Variants in NDRG3 observed in about 807,000 individuals in gnomAD.
The protein encoded by NDRG3 is NDRG family member 3.
Under a neutral mutation model 57.2 loss-of-function variants are expected in NDRG3, and 23 were observed. The observed-to-expected ratio is 0.40, with a 90% confidence interval of 0.29 to 0.57. The LOEUF is 0.57. Among genes scored for constraint, NDRG3 ranks in the 20% least tolerant of loss-of-function variants. The probability of loss-of-function intolerance (pLI) is 0.42; values close to 1 mark genes in which losing one functional copy is unlikely to be tolerated. For missense variants in NDRG3, 384 were observed against 457.3 expected, an observed-to-expected ratio of 0.84 and a Z score of 1.46; for synonymous variants, 132 against 162.6, an observed-to-expected ratio of 0.81 and a Z score of 1.43.
At chr20:36,656,281 G>T in intron 15 of NDRG3, 79 bp downstream of exon 15, 2 of 1,415,766 alleles carry the variant, frequency 1.4e-6, no homozygotes, top group Non-Finnish European at 2.0e-6. Context: ...TATATCTCAA[G>T]AATTGTGGGC....
At chr20:36,729,684 C>T (rs531133643) in intron 1 of NDRG3, among the ~76,000 whole-genome samples, 3 of 152,066 alleles carry the variant, frequency 2.0e-5, no homozygotes, top group South Asian at 4.1e-4. Context: ...CACGCAACCA[C>T]GCCTGGCTAA....
intron 8 of NDRG3, among the ~76,000 whole-genome samples, chr20:36,674,478 C>T (rs1600874079): frequency 1.3e-5 from 2 of 152,096 alleles, no homozygotes; most frequent in Admixed American, 1.3e-4. Context: ...GCTAGGATTA[C>T]AGGTGTGAGC....
At chr20:36,675,165 T>G (rs1980563061) in intron 8 of NDRG3, among the ~76,000 whole-genome samples, 1 of 150,264 alleles carries the variant, frequency 6.7e-6, no homozygotes, top group Non-Finnish European at 1.5e-5. Flanking sequence ...GTTCAAGCGA[T>G]TCTCTTGCCT....
At chr20:36,677,607 ACT>A (rs1980871904) in intron 8 of NDRG3, among the ~76,000 whole-genome samples, 1 of 152,090 alleles carries the variant, frequency 6.6e-6, no homozygotes, top group Admixed American at 6.6e-5. Flanking sequence ...GAGAAGGGCT[ACT>A]CTCTCTGCTG....
At chr20:36,711,052 G>A (rs576982481) in intron 2 of NDRG3, among the ~76,000 whole-genome samples, 9 of 151,312 alleles carry the variant, frequency 5.9e-5, no homozygotes, top group African/African-American at 1.2e-4. Flanking sequence ...AGTCCGGGGC[G>A]GGTGGATCAC....
chr20:36,660,883 A>T (rs2148030508), intron 12 of NDRG3, among the ~76,000 whole-genome samples: 1 of 152,268 alleles, frequency 6.6e-6, no homozygotes, highest in Non-Finnish European at 1.5e-5. Context: ...TATATGATAT[A>T]CTTTGATATT....
At chr20:36,675,157 T>A (rs902186929) in intron 8 of NDRG3, among the ~76,000 whole-genome samples, 5 of 150,638 alleles carry the variant, frequency 3.3e-5, no homozygotes, top group African/African-American at 1.2e-4. Context: ...CCTCCCAGGT[T>A]CAAGCGATTC....
chr20:36,725,600 TAAA>T (rs548128722), intron 1 of NDRG3, among the ~76,000 whole-genome samples: 4 of 82,412 alleles, frequency 4.9e-5, no homozygotes, highest in African/African-American at 4.7e-5. Context: ...AGACTCCGTC[TAAA>T]AAAAAAAAAA....
chr20:36,731,113 TCAGGAATC>T (rs1985260774), intron 1 of NDRG3, among the ~76,000 whole-genome samples: 1 of 152,000 alleles, frequency 6.6e-6, no homozygotes, highest in South Asian at 2.1e-4. Context: ...TCAATTTCAG[TCAGGAATC>T]CAAGAGAGAC....
chr20:36,677,656 C>G (rs916869817), intron 8 of NDRG3, among the ~76,000 whole-genome samples: 1 of 152,192 alleles, frequency 6.6e-6, no homozygotes, highest in African/African-American at 2.4e-5. Context: ...CGGAATGACT[C>G]GCCTGTGGAA....
chr20:36,741,434 CT>C (rs1176709034), intron 1 of NDRG3, among the ~76,000 whole-genome samples: 2 of 152,090 alleles, frequency 1.3e-5, no homozygotes, highest in African/African-American at 4.8e-5. Context: ...TTAGCAAGCT[CT>C]TTTTTTAATC....
At chr20:36,681,907 A>AGTTTCACCATGTT (rs1352655489) in intron 7 of NDRG3, among the ~76,000 whole-genome samples, 1 of 152,034 alleles carries the variant, frequency 6.6e-6, no homozygotes, top group Non-Finnish European at 1.5e-5. Context: ...CATGTTGGCC[A>AGTTTCACCATGTT]GGCTGGTCTC....
chr20:36,688,346 C>G (rs1211989604), intron 4 of NDRG3, among the ~76,000 whole-genome samples: 1 of 151,822 alleles, frequency 6.6e-6, no homozygotes, highest in Non-Finnish European at 1.5e-5. Flanking sequence ...TAAGTTCCAA[C>G]TCTGAATTTT....
intron 8 of NDRG3, among the ~76,000 whole-genome samples, chr20:36,673,534 T>C (rs909539784): frequency 6.6e-6 from 1 of 151,864 alleles, no homozygotes; most frequent in African/African-American, 2.4e-5. Flanking sequence ...AGCTCCCGAG[T>C]AGCTGGGAAC....
chr20:36,737,305 G>A (rs144034661), intron 1 of NDRG3, among the ~76,000 whole-genome samples: 4 of 152,174 alleles, frequency 2.6e-5, no homozygotes, highest in Admixed American at 6.5e-5. Context: ...CTCAGGACAC[G>A]AGGAAAGCTA....
intron 3 of NDRG3, among the ~76,000 whole-genome samples, chr20:36,690,354 A>G (rs1982164146): frequency 6.6e-6 from 1 of 151,998 alleles, no homozygotes; most frequent in African/African-American, 2.4e-5. Context: ...AAGCTCAGGA[A>G]CCCAATAGAG....
At chr20:36,705,662 C>T (rs1237267336) in intron 3 of NDRG3, among the ~76,000 whole-genome samples, 2 of 152,182 alleles carry the variant, frequency 1.3e-5, no homozygotes, top group South Asian at 4.1e-4. Flanking sequence ...GCATCTATCC[C>T]AAAAGTGGGA....
At chr20:36,670,922 T>C (rs868076990) in intron 9 of NDRG3, among the ~76,000 whole-genome samples, 1 of 152,310 alleles carries the variant, frequency 6.6e-6, no homozygotes, top group South Asian at 2.1e-4. Context: ...GAAGACTTGT[T>C]TCCTCACCAG....
intron 2 of NDRG3, among the ~76,000 whole-genome samples, chr20:36,715,355 C>T (rs1984211050): frequency 6.6e-6 from 1 of 151,790 alleles, no homozygotes; most frequent in Non-Finnish European, 1.5e-5. Context: ...TAGAGCACTT[C>T]TGACAACAGA....
Sources: allele counts gnomAD v4.1 joint callset (sites outside exome capture counted in the v4.1 genomes callset), GRCh38; gene constraint gnomAD v4.1.1; transcripts MANE v1.5; gene names NCBI Gene and HGNC (gene_info 2026-07-23, HGNC 2026-07-21).